Variants in GNAL observed in about 807,000 individuals in gnomAD.
The protein encoded by GNAL is guanine nucleotide-binding protein G(olf) subunit alpha.
Under a neutral mutation model 55.1 loss-of-function variants are expected in GNAL, and 18 were observed. The ratio of observed to expected loss-of-function variants is 0.33; its 90% confidence interval spans 0.23 to 0.48. The LOEUF is 0.48. GNAL is among the 20% of genes least tolerant of loss of function. The probability of loss-of-function intolerance (pLI) is 0.99; values close to 1 mark genes in which losing one functional copy is unlikely to be tolerated. For missense variants in GNAL, 412 were observed against 614.1 expected (o/e 0.67, Z 3.48); for synonymous variants, 253 against 237.0 (o/e 1.07, Z -0.62).
At chr18:11,758,164 A>G (rs1037437494) in intron 4 of GNAL, among the ~76,000 whole-genome samples, 2 of 152,154 alleles carry the variant, frequency 1.3e-5, no homozygotes, top group African/African-American at 4.8e-5. Flanking sequence ...TGGGGTCCGG[A>G]ACAAAAAAGG....
chr18:11,699,696 C>T (rs753479295), intron 1 of GNAL, among the ~76,000 whole-genome samples: 4 of 152,160 alleles, frequency 2.6e-5, no homozygotes, highest in Admixed American at 6.5e-5. Flanking sequence ...AGAATTCCCT[C>T]GCTAGGGATG....
intron 5 of GNAL, chr18:11,851,271 G>A (rs1012851372): frequency 2.1e-6 from 1 of 484,166 alleles, no homozygotes; most frequent in Non-Finnish European, 3.6e-6. Flanking sequence ...CGTCCAGCCA[G>A]AATCCCCCTG....
At chr18:11,782,902 C>T (rs1179267243) in intron 4 of GNAL, among the ~76,000 whole-genome samples, 1 of 152,128 alleles carries the variant, frequency 6.6e-6, no homozygotes, top group Non-Finnish European at 1.5e-5. Context: ...AATCATAAAT[C>T]TTAAGAATTT....
At chr18:11,797,065 A>T (rs1299674854) in intron 4 of GNAL, among the ~76,000 whole-genome samples, 1 of 151,884 alleles carries the variant, frequency 6.6e-6, no homozygotes, top group African/African-American at 2.4e-5. Flanking sequence ...AGCCTCCCAG[A>T]CTCAAGGGAT....
chr18:11,689,923 C>G lies in GNAL; in HGVS notation c.360C>G (p.His120Gln). ...AGAAGCGCGACCTGCAGCAGACGCACCGGCTCCTGCTGCTCGGTAGGTCCC... is the reference window on the plus strand; with the variant it reads ...AGAAGCGCGACCTGCAGCAGACGCAGCGGCTCCTGCTGCTCGGTAGGTCCC... Reference protein sequence around the residue: ...RDQKRDLQQTHRLLLLGAGES... With the variant: ...RDQKRDLQQTQRLLLLGAGES... The change falls in exon 1 of 12, where the codon CAC (histidine) becomes CAG (glutamine). Residue 120 changes from histidine to glutamine, a missense_variant. His to Gln is a conservative substitution (Grantham distance 24, BLOSUM62 0). Around this residue, in one of 5 missense-constraint regions of GNAL, gnomAD observed 228 missense variants for 194.8 expected, o/e 1.17. Coordinates refer to ENST00000334049, the MANE Select transcript of GNAL (RefSeq NM_182978.4). 1 of 1,413,888 alleles carries G rather than the reference C, an allele frequency of 7.1e-7. No homozygotes were observed. The allele number at this position is 1,413,888 out of a possible 1,614,324, so 87.6% of individuals were successfully genotyped here. A position where few individuals can be genotyped will look rare whatever the true frequency, so the allele number is the denominator to read the frequency against.
At chr18:11,769,415 A>G (rs1598442158) in intron 4 of GNAL, among the ~76,000 whole-genome samples, 1 of 152,060 alleles carries the variant, frequency 6.6e-6, no homozygotes, top group East Asian at 1.9e-4. Context: ...TCAGGAAGCC[A>G]TATCCCCATC....
chr18:11,866,274 T>G (rs567602623), intron 7 of GNAL, among the ~76,000 whole-genome samples: 54 of 150,348 alleles, frequency 3.6e-4, no homozygotes, highest in Non-Finnish European at 6.6e-4. Flanking sequence ...GTGCCCCACG[T>G]GTGCTAATGT....
At chr18:11,711,690 G>T (rs984853486) in intron 1 of GNAL, among the ~76,000 whole-genome samples, 3 of 152,066 alleles carry the variant, frequency 2.0e-5, no homozygotes, top group African/African-American at 7.2e-5. Flanking sequence ...TTAATTCTTT[G>T]TCTGATCTCT....
intron 1 of GNAL, among the ~76,000 whole-genome samples, chr18:11,712,340 C>A (rs11874913): frequency 6.6e-6 from 1 of 152,160 alleles, no homozygotes; most frequent in South Asian, 2.1e-4. Flanking sequence ...GCAGGCCCGA[C>A]GTGCATAAAA....
At chr18:11,693,931 C>T (rs1344511742) in intron 1 of GNAL, among the ~76,000 whole-genome samples, 2 of 149,444 alleles carry the variant, frequency 1.3e-5, no homozygotes, top group Non-Finnish European at 3.0e-5. Flanking sequence ...TGGCTCACTG[C>T]AGCCTGGACC....
At chr18:11,766,103 A>G (rs1347074360) in intron 4 of GNAL, among the ~76,000 whole-genome samples, 1 of 152,240 alleles carries the variant, frequency 6.6e-6, no homozygotes, top group Admixed American at 6.5e-5. Flanking sequence ...TGCCAAATTA[A>G]GACTTAAATG....
At chr18:11,841,954 ATATGTTATAT>A (rs2035624270) in intron 5 of GNAL, among the ~76,000 whole-genome samples, 1 of 151,874 alleles carries the variant, frequency 6.6e-6, no homozygotes, top group Non-Finnish European at 1.5e-5. Flanking sequence ...GAAAGAAAAC[ATATGTTATAT>A]TTTAGTTCAG....
intron 4 of GNAL, among the ~76,000 whole-genome samples, chr18:11,764,179 A>G (rs548296479): frequency 6.6e-6 from 1 of 152,204 alleles, no homozygotes; most frequent in South Asian, 2.1e-4. Flanking sequence ...AGCTCGGCTC[A>G]CTGCAACCTC....
At chr18:11,742,067 C>T (rs2032588166) in intron 1 of GNAL, among the ~76,000 whole-genome samples, 2 of 152,206 alleles carry the variant, frequency 1.3e-5, no homozygotes, top group Admixed American at 6.5e-5. Context: ...CACCATTCTA[C>T]TTTCTGTCTC....
chr18:11,863,169 G>A (rs910989603), intron 6 of GNAL, among the ~76,000 whole-genome samples: 1 of 152,090 alleles, frequency 6.6e-6, no homozygotes, highest in South Asian at 2.1e-4. Flanking sequence ...GTGAGCCACC[G>A]TGCCCAGCCC....
chr18:11,694,181 G>A (rs1310449220), intron 1 of GNAL, among the ~76,000 whole-genome samples: 1 of 152,072 alleles, frequency 6.6e-6, no homozygotes, highest in East Asian at 1.9e-4. Flanking sequence ...GCCTGCTAGT[G>A]TGAGGTTAGT....
intron 4 of GNAL, among the ~76,000 whole-genome samples, chr18:11,806,490 C>T (rs2034663996): frequency 6.6e-6 from 1 of 152,168 alleles, no homozygotes; most frequent in South Asian, 2.1e-4. Context: ...TACAATTAAG[C>T]CTGTAATCCA....
chr18:11,808,442 G>A (rs2034722060), intron 4 of GNAL, among the ~76,000 whole-genome samples: 3 of 152,124 alleles, frequency 2.0e-5, no homozygotes, highest in South Asian at 4.1e-4. Flanking sequence ...AATCTGAAAC[G>A]CATTAGAAAG....
At chr18:11,851,748 C>T in intron 5 of GNAL, 1 of 1,613,934 alleles carries the variant, frequency 6.2e-7, no homozygotes, top group Non-Finnish European at 8.5e-7. Flanking sequence ...CTGCCAGGGT[C>T]CAGACGGCGG....
Sources: allele counts gnomAD v4.1 joint callset (sites outside exome capture counted in the v4.1 genomes callset), GRCh38; gene constraint gnomAD v4.1.1; regional missense constraint gnomAD v4.1.1; transcripts MANE v1.5; gene names NCBI Gene and HGNC (gene_info 2026-07-23, HGNC 2026-07-21).